CRISPLD2: variants seen among roughly 807,000 people sequenced by gnomAD.
CRISPLD2 encodes cysteine-rich secretory protein LCCL domain-containing 2.
CRISPLD2 carries 47 observed loss-of-function variants against 71.1 expected under a neutral mutation model. That is an observed-to-expected ratio of 0.66 (90% CI 0.52 to 0.84). CRISPLD2 has a LOEUF of 0.84. Among genes scored for constraint, CRISPLD2 ranks in the 40% least tolerant of loss-of-function variants. CRISPLD2 has a pLI of 0.00. For synonymous variants in CRISPLD2, 317 were observed against 250.1 expected, an observed-to-expected ratio of 1.27 and a Z score of -2.52; for missense variants, 830 against 651.1, an observed-to-expected ratio of 1.27 and a Z score of -2.99.
intron 14 of CRISPLD2, among the ~76,000 whole-genome samples, chr16:84,900,545 GCATCACACA>G (rs2071744544): frequency 1.3e-4 from 1 of 7,530 alleles, no homozygotes; most frequent in Non-Finnish European, 2.1e-4. Context: ...GCGCTGGGAG[GCATCACACA>G]GCGCTGGGAG....
chr16:84,887,400 G>A lies in CRISPLD2; in HGVS notation c.1306-1830G>A, dbSNP rs377504898. On this transcript the variant is annotated intron_variant, in intron 13 of 14. Transcript: ENST00000262424. ...GACAGCCACGGCCGTGACATCACTC[G>A]GTTGTGAATGGAGGCAAGACCGGAG... Among the ~76,000 whole-genome samples, 35 of 152,294 alleles carry A rather than the reference G, an allele frequency of 2.3e-4. No individual in the cohort carries two copies. In the East Asian group the frequency reaches 2.7e-3, roughly 12 times the overall value.
At chr16:84,888,545 C>A (rs1037959522) in intron 13 of CRISPLD2, among the ~76,000 whole-genome samples, 5 of 152,156 alleles carry the variant, frequency 3.3e-5, no homozygotes, top group Admixed American at 3.3e-4. Flanking sequence ...CCAGCTGCTC[C>A]CTTGGTACCT....
At chr16:84,904,005 A>T (rs1027121801) in intron 14 of CRISPLD2, among the ~76,000 whole-genome samples, 1 of 152,188 alleles carries the variant, frequency 6.6e-6, no homozygotes, top group Non-Finnish European at 1.5e-5. Context: ...ACCTCTGGCC[A>T]TTGTCAGGAA....
intron 1 of CRISPLD2, among the ~76,000 whole-genome samples, chr16:84,829,824 A>T (rs571825958): frequency 6.6e-6 from 1 of 152,320 alleles, no homozygotes; most frequent in African/African-American, 2.4e-5. Context: ...TGGCCTCATC[A>T]GTTTGTGGAC....
At chr16:84,828,803 C>T (rs956498374) in intron 1 of CRISPLD2, among the ~76,000 whole-genome samples, 1 of 151,476 alleles carries the variant, frequency 6.6e-6, no homozygotes, top group Non-Finnish European at 1.5e-5. Context: ...TTCTTTTTGT[C>T]CAGAATTTTG....
chr16:84,850,786 C>G, intron 5 of CRISPLD2, 103 bp downstream of exon 5: 1 of 819,074 alleles, frequency 1.2e-6, no homozygotes, highest in Non-Finnish European at 2.1e-6. Flanking sequence ...TCTTTAATAT[C>G]TCACATAACA....
intron 1 of CRISPLD2, among the ~76,000 whole-genome samples, chr16:84,836,640 C>T (rs1468245310): frequency 1.3e-5 from 2 of 152,150 alleles, no homozygotes; most frequent in African/African-American, 4.8e-5. Flanking sequence ...TTGGCTCAGC[C>T]TCTGTCGCCT....
intron 14 of CRISPLD2, among the ~76,000 whole-genome samples, chr16:84,906,160 C>T (rs2071800431): frequency 6.6e-6 from 1 of 152,020 alleles, no homozygotes; most frequent in African/African-American, 2.4e-5. Flanking sequence ...TAACAGCTCC[C>T]TCAGGAGGAA....
intron 14 of CRISPLD2, 150 bp from the exon 15 acceptor site, chr16:84,906,438 G>A: frequency 1.5e-6 from 1 of 683,062 alleles, no homozygotes; most frequent in Non-Finnish European, 2.5e-6. Context: ...CAGGCTCTGT[G>A]TCTGGCGGCT....
At chr16:84,828,120 C>T (rs1383957542) in intron 1 of CRISPLD2, 2 of 152,212 alleles carry the variant, frequency 1.3e-5, no homozygotes, top group African/African-American at 4.8e-5. Context: ...TATGGAGGTT[C>T]CGCAGCCAGC....
intron 3 of CRISPLD2, among the ~76,000 whole-genome samples, chr16:84,846,909 C>T (rs1022275933): frequency 1.3e-5 from 2 of 152,214 alleles, no homozygotes; most frequent in African/African-American, 4.8e-5. Context: ...TGTATCCGTG[C>T]TCCCAAAGAA....
rs1487473918 is a variant in CRISPLD2, at chr16:84,897,837, G to A, written c.1439+8474G>A. Among the ~76,000 whole-genome samples the A allele has an allele frequency of 2.6e-5, 4 of 152,292 alleles. No individual in the cohort carries two copies. The Middle Eastern group carries it at 0.01, about 389-fold the overall frequency. ...TCGCCATGTTGGCCAGGCTGGTCTC[G>A]AACCCCTGACCTCAGGTGATCCGCC... On this transcript the variant is annotated intron_variant, in intron 14 of 14. Transcript: ENST00000262424.
intron 14 of CRISPLD2, among the ~76,000 whole-genome samples, chr16:84,897,599 CCTT>C (rs2071717548): frequency 6.6e-6 from 1 of 152,112 alleles, no homozygotes; most frequent in South Asian, 2.1e-4. Context: ...TATAAACACG[CCTT>C]TTTTTGTTGT....
chr16:84,837,697 G>A (rs535648546), intron 1 of CRISPLD2, among the ~76,000 whole-genome samples: 10 of 152,320 alleles, frequency 6.6e-5, no homozygotes, highest in South Asian at 2.1e-4. Flanking sequence ...GATTACAGGC[G>A]TGAGCCACCG....
chr16:84,874,076 T>C (rs550321851), intron 11 of CRISPLD2, 113 bp downstream of exon 11: 2 of 927,088 alleles, frequency 2.2e-6, no homozygotes, highest in African/African-American at 3.3e-5. Flanking sequence ...GTGAACATTA[T>C]GGTTCTCATC....
At chr16:84,897,255 C>G (rs1225156707) in intron 14 of CRISPLD2, among the ~76,000 whole-genome samples, 3 of 149,654 alleles carry the variant, frequency 2.0e-5, no homozygotes, top group African/African-American at 7.4e-5. Flanking sequence ...ACCAGCTTGA[C>G]CAACAGGGTG....
intron 12 of CRISPLD2, among the ~76,000 whole-genome samples, chr16:84,879,170 G>C (rs2143311098): frequency 6.6e-6 from 1 of 152,334 alleles, no homozygotes; most frequent in African/African-American, 2.4e-5. Flanking sequence ...GATCCCCCTT[G>C]AATGTTCGAG....
intron 11 of CRISPLD2, among the ~76,000 whole-genome samples, chr16:84,874,370 C>T (rs980291019): frequency 7.2e-5 from 11 of 152,230 alleles, no homozygotes; most frequent in Admixed American, 3.9e-4. Flanking sequence ...TAATGTCTGC[C>T]ATGAGCAAGA....
At chr16:84,882,512 C>T (rs144011980) in intron 13 of CRISPLD2, among the ~76,000 whole-genome samples, 1,893 of 152,252 alleles carry the variant, frequency 0.012, 14 homozygotes, top group South Asian at 0.032. Flanking sequence ...TCAAGAGATT[C>T]TCCTGCCTCA....
Sources: gnomAD v4.1 joint callset for allele counts (sites outside exome capture counted in the v4.1 genomes callset) on GRCh38, gnomAD v4.1.1 for gene constraint, MANE v1.5 for transcripts, NCBI Gene and HGNC (gene_info 2026-07-23, HGNC 2026-07-21) for gene names.